The following MTUS1 variants were observed in gnomAD, a reference collection of about 807,000 sequenced individuals.
MTUS1 encodes the protein microtubule associated scaffold protein 1.
A neutral mutation model predicts 120.8 loss-of-function variants in MTUS1; 109 were observed. That is an observed-to-expected ratio of 0.90 (90% confidence interval 0.77 to 1.06). The LOEUF is 1.06. MTUS1 is among the 50% of genes least tolerant of loss of function. The probability of loss-of-function intolerance (pLI) is 0.00; values close to 1 mark genes in which losing one functional copy is unlikely to be tolerated. For synonymous variants in MTUS1, 737 were observed against 550.5 expected (o/e 1.34, Z -4.74); for missense variants, 2,210 against 1,486.3 (o/e 1.49, Z -8.01).
At chr8:17,756,192 C>A (rs746567696) in intron 1 of MTUS1, among the ~76,000 whole-genome samples, 11 of 152,184 alleles carry the variant, frequency 7.2e-5, no homozygotes, top group African/African-American at 2.7e-4. Flanking sequence ...GGGGTCATTG[C>A]TCGTTAACCC....
At chr8:17,787,392 A>G (rs1399473745) in intron 1 of MTUS1, among the ~76,000 whole-genome samples, 2 of 152,200 alleles carry the variant, frequency 1.3e-5, no homozygotes, top group East Asian at 3.9e-4. Context: ...GAAGTTGAGT[A>G]CCTTGCTCAA....
chr8:17,751,412 G>A (rs1477053065), intron 2 of MTUS1, among the ~76,000 whole-genome samples: 1 of 152,172 alleles, frequency 6.6e-6, no homozygotes, highest in African/African-American at 2.4e-5. Context: ...AGGAAAACAC[G>A]CAGCAAATTC....
chr8:17,753,841 A>G lies in MTUS1; in HGVS notation c.1967T>C (p.Val656Ala), dbSNP rs1222978523. The G allele has an allele frequency of 1.9e-6, 3 of 1,614,156 alleles. No individual in the cohort carries two copies. The highest frequency in any genetic ancestry group is 1.3e-5 in the African/African-American group (1 of 75,042). ...ESAECLEMTY[V>A]PNIDRISPEK... The stretch of plus-strand genomic sequence containing the variant: ...AGGGCTAATCCTATCAATGTTGGGA[A>G]CATAGGTCATTTCCAAACATTCTGC... The change falls in exon 2 of 15, where the codon GTT (valine) becomes GCT (alanine). Residue 656 changes from valine (V) to alanine (A), a missense_variant. By Grantham distance (64) the Val-to-Ala change is moderately conservative. Coordinates refer to ENST00000693296, the MANE Select transcript of MTUS1 (RefSeq NM_001363059.2).
At chr8:17,647,858 C>T (rs1041763200) in intron 13 of MTUS1, among the ~76,000 whole-genome samples, 7 of 152,222 alleles carry the variant, frequency 4.6e-5, no homozygotes, top group Non-Finnish European at 1.0e-4. Context: ...ATTATAGCTC[C>T]GTCAGGATTA....
rs139253849 is a variant in MTUS1, at chr8:17,687,151, T to C, written c.2624-2609A>G. ...GAGTACGTGTCTTCAAATTTTAAAA[T>C]GAGAGCAAATGAGCCAACAGACTGC... On this transcript the variant is annotated intron_variant, in intron 6 of 14. Transcript: ENST00000693296. Among the ~76,000 whole-genome samples, 60 of 152,228 alleles carry C rather than the reference T, an allele frequency of 3.9e-4. No individual in the cohort carries two copies. In the East Asian group the frequency reaches 8.9e-3, roughly 23 times the overall value.
Position 17,647,088 on chromosome 8 carries a change from A to G in MTUS1, c.3502-9T>C, listed in dbSNP as rs780811162. 3.1e-6 allele frequency: 5 copies of G among 1,609,158 alleles called. No homozygotes were observed. In the African/African-American group the frequency reaches 5.4e-5, roughly 17 times the overall value. ...GCTGTGTTGTTGTCCACCTTGGCAT[A>G]AACAAGAATTCCAACATTTATACAA... On this transcript the variant is annotated splice_polypyrimidine_tract_variant and intron_variant, in intron 13 of 14. Transcript: ENST00000693296.
rs2049457954 is a variant in MTUS1 at position 17,766,011 on chromosome 8, CACT to C, written c.-154-10053_-154-10051del. ...TATACTTTACATACTATAAATTATA[CACT>C]ACAAATTAAGAGACCTTTATGCTAG... On this transcript the variant is annotated intron_variant, in intron 1 of 14. Transcript: ENST00000693296. 3.3e-5 allele frequency among the ~76,000 whole-genome samples: 5 copies of C among 152,178 alleles called. No homozygotes were observed. In the South Asian group the frequency reaches 1.0e-3, roughly 32 times the overall value.
intron 8 of MTUS1, among the ~76,000 whole-genome samples, chr8:17,660,096 G>T (rs187443559): frequency 6.6e-6 from 1 of 152,120 alleles, no homozygotes; most frequent in African/African-American, 2.4e-5. Flanking sequence ...TTGTTGGCCG[G>T]GTGCAGTGGC....
chr8:17,668,306 G>A (rs1811326504), intron 8 of MTUS1, among the ~76,000 whole-genome samples: 1 of 152,090 alleles, frequency 6.6e-6, no homozygotes, highest in African/African-American at 2.4e-5. Context: ...CGTGGCCCGG[G>A]GAAGCCAAAA....
intron 6 of MTUS1, among the ~76,000 whole-genome samples, chr8:17,698,498 A>T (rs1218435600): frequency 2.6e-5 from 4 of 152,226 alleles, no homozygotes; most frequent in African/African-American, 7.2e-5. Context: ...TAACATTTTT[A>T]AAAATGTTAT....
chr8:17,674,924 C>A, intron 8 of MTUS1: 1 of 1,254,950 alleles, frequency 8.0e-7, no homozygotes, highest in Non-Finnish European at 1.0e-6. Context: ...TAACTCTGTC[C>A]CTCTCTTCAG....
intron 1 of MTUS1, among the ~76,000 whole-genome samples, chr8:17,768,699 G>A (rs963271030): frequency 6.6e-6 from 1 of 152,026 alleles, no homozygotes; most frequent in Non-Finnish European, 1.5e-5. Flanking sequence ...CTTATAAGAA[G>A]ATAGAAGTCT....
Position 17,755,403 on chromosome 8 carries a change from A to C in MTUS1, c.405T>G (p.Ser135=). 1 of 1,614,216 alleles carries C rather than the reference A, an allele frequency of 6.2e-7. No individual in the cohort carries two copies. Among genetic ancestry groups the C allele is most frequent in the Non-Finnish European group, 8.5e-7 (1 of 1,180,028 alleles). The change falls in exon 2 of 15, where the codon TCT becomes TCG. Residue 135 remains serine (S), a synonymous_variant. Coordinates refer to ENST00000693296, the MANE Select transcript of MTUS1 (RefSeq NM_001363059.2). ...CATTAGGCTTCCACACAAAAGGCAA[A>C]GATGGCTCAACACTCTGGCCCTCAA... ...EAVEGQSVEP[S]LPFVWKPNDN...
intron 9 of MTUS1, chr8:17,654,948 T>C (rs918078249): frequency 5.4e-6 from 2 of 370,102 alleles, no homozygotes; most frequent in Non-Finnish European, 9.9e-6. Flanking sequence ...AAAGAATGCA[T>C]GAAGAGCAAC....
At chr8:17,752,055 A>G (rs552513813) in intron 2 of MTUS1, among the ~76,000 whole-genome samples, 3 of 152,110 alleles carry the variant, frequency 2.0e-5, no homozygotes, top group African/African-American at 7.2e-5. Flanking sequence ...ATCCATTTCA[A>G]CCTGATGATT....
chr8:17,686,933 T>C (rs1815934174), intron 6 of MTUS1, among the ~76,000 whole-genome samples: 1 of 152,194 alleles, frequency 6.6e-6, no homozygotes, highest in South Asian at 2.1e-4. Flanking sequence ...AAATCACTTT[T>C]AACAGACAGT....
At position 17,754,177 on chromosome 8, in the gene MTUS1, G is replaced by A. The variant is rs772791104; in HGVS notation, c.1631C>T (p.Ser544Leu). 3.2e-5 allele frequency: 52 copies of A among 1,613,798 alleles called. 1 individual carries two copies. The highest frequency in any genetic ancestry group is 4.1e-5 in the Non-Finnish European group (48 of 1,180,022). ...PQQTSASSPS[S>L]VNSRQQTVLS... is the part of the protein sequence containing the mutation. ...GACTGTTTGTTGTCTTGAATTCACT[G>A]ATGAGGGTGATGAGGCACTGGTCTG... The change falls in exon 2 of 15, where the codon TCA (serine) becomes TTA (leucine). Residue 544 changes from serine (S) to leucine (L), a missense_variant. Ser to Leu is a moderately radical substitution (Grantham distance 145). Coordinates refer to ENST00000693296, the MANE Select transcript of MTUS1 (RefSeq NM_001363059.2).
intron 6 of MTUS1, among the ~76,000 whole-genome samples, chr8:17,686,138 C>A (rs1391325912): frequency 6.6e-6 from 1 of 152,176 alleles, no homozygotes; most frequent in African/African-American, 2.4e-5. Flanking sequence ...TCCCAATAAC[C>A]CCAGATAGGG....
intron 1 of MTUS1, chr8:17,780,892 G>T (rs1230470788): frequency 6.6e-6 from 1 of 152,178 alleles, no homozygotes; most frequent in African/African-American, 2.4e-5. Flanking sequence ...TGCAAAAGGT[G>T]ACGTGAGGCA....
Sources: gnomAD v4.1 joint callset for allele counts (sites outside exome capture counted in the v4.1 genomes callset) on GRCh38, gnomAD v4.1.1 for gene constraint, MANE v1.5 for transcripts, NCBI Gene and HGNC (gene_info 2026-07-23, HGNC 2026-07-21) for gene names.